Variants in NEU3 observed in about 807,000 individuals in gnomAD.
NEU3 encodes the protein sialidase-3.
Under a neutral mutation model 11.4 loss-of-function variants are expected in NEU3, and 10 were observed. The ratio of observed to expected loss-of-function variants is 0.88; its 90% confidence interval spans 0.54 to 1.49. NEU3 has a LOEUF of 1.49. Ranked by LOEUF, NEU3 falls within the 40% of genes most tolerant of loss-of-function variation. The pLI is 0.00. For missense variants in NEU3, 529 were observed against 581.8 expected (o/e 0.91, Z 0.93); for synonymous variants, 212 against 228.2 (o/e 0.93, Z 0.64).
chr11:75,016,375 A>G (rs144189667), intron 3 of NEU3, among the ~76,000 whole-genome samples: 11 of 152,274 alleles, frequency 7.2e-5, no homozygotes, highest in Non-Finnish European at 1.6e-4. Context: ...GGGTCAAGGC[A>G]TTGGAAAATT....
chr11:74,997,001 G>C (rs1948795817), intron 2 of NEU3, among the ~76,000 whole-genome samples: 1 of 152,226 alleles, frequency 6.6e-6, no homozygotes, highest in African/African-American at 2.4e-5. Context: ...TGGCAGAGTA[G>C]ATTTAGGATA....
chr11:74,980,689 A>G, the NEU3 span, among the ~76,000 whole-genome samples: 1 of 152,374 alleles, frequency 6.6e-6, no homozygotes, highest in Non-Finnish European at 1.5e-5. Context: ...TTAAATACAT[A>G]CACATATCAT....
At chr11:75,005,321 T>C in intron 2 of NEU3, 92 bp from the exon 3 acceptor site, 4 of 1,296,994 alleles carry the variant, frequency 3.1e-6, no homozygotes, top group African/African-American at 1.5e-5. Flanking sequence ...ATATCATTTA[T>C]TTCTTATTTA....
At chr11:75,015,347 T>A (rs952258654), downstream of NEU3, among the ~76,000 whole-genome samples, 1 of 152,342 alleles carries the variant, frequency 6.6e-6, no homozygotes, top group Middle Eastern at 3.4e-3. Flanking sequence ...TCCAGAACAC[T>A]GAGCAATAAG....
chr11:74,985,194 C>G (rs1948658207), upstream of NEU3, among the ~76,000 whole-genome samples: 1 of 152,006 alleles, frequency 6.6e-6, no homozygotes, highest in Admixed American at 6.5e-5. Flanking sequence ...CAGGACATGA[C>G]CCGGTTTTTA....
chr11:75,005,370 C>G, intron 2 of NEU3, 43 bp from the exon 3 acceptor site: 1 of 1,488,512 alleles, frequency 6.7e-7, no homozygotes, highest in Non-Finnish European at 8.9e-7. Context: ...TCATGTTTTC[C>G]TATTAGTATC....
At chr11:74,994,057 C>T (rs897306011) in intron 1 of NEU3, among the ~76,000 whole-genome samples, 3 of 152,030 alleles carry the variant, frequency 2.0e-5, no homozygotes, top group Admixed American at 6.6e-5. Context: ...AGATAGAAGA[C>T]AAAGAGATTG....
chr11:74,987,439 T>G (rs1417999803), upstream of NEU3, among the ~76,000 whole-genome samples: 2 of 152,218 alleles, frequency 1.3e-5, no homozygotes, highest in African/African-American at 2.4e-5. Flanking sequence ...TAGGCTAATC[T>G]TATAAATTTT....
chr11:75,012,834 G>C (rs1187831995), downstream of NEU3, among the ~76,000 whole-genome samples: 2 of 152,198 alleles, frequency 1.3e-5, no homozygotes, highest in Non-Finnish European at 2.9e-5. Context: ...CAAAGTGAGA[G>C]AGTTTGCTTT....
At chr11:75,000,626 T>A (rs1176422016) in intron 2 of NEU3, among the ~76,000 whole-genome samples, 1 of 150,734 alleles carries the variant, frequency 6.6e-6, no homozygotes. Context: ...TTTATACATT[T>A]TTTTTTTTTT....
chr11:74,993,364 C>T (rs1044397474), intron 1 of NEU3, among the ~76,000 whole-genome samples: 9 of 152,084 alleles, frequency 5.9e-5, no homozygotes, highest in African/African-American at 1.7e-4. Context: ...CCAGCACACC[C>T]GGCTAATTTT....
At chr11:75,004,519 A>AT (rs1948878914) in intron 2 of NEU3, 1 of 449,060 alleles carries the variant, frequency 2.2e-6, no homozygotes, top group African/African-American at 2.0e-5. Context: ...ATTCCTGGAA[A>AT]TTTTCTTACC....
At chr11:75,019,742 G>A (rs956911852), downstream of NEU3, among the ~76,000 whole-genome samples, 2 of 152,196 alleles carry the variant, frequency 1.3e-5, no homozygotes, top group African/African-American at 4.8e-5. Context: ...TGCTGCAGGG[G>A]CAGGGCTGTC....
chr11:75,000,112 C>A (rs1948827772), intron 2 of NEU3, among the ~76,000 whole-genome samples: 1 of 152,076 alleles, frequency 6.6e-6, no homozygotes, highest in South Asian at 2.1e-4. Flanking sequence ...CCCTTTAATG[C>A]AATTGAAAGT....
Position 75,006,356 on chromosome 11 carries a change from G to A in NEU3, c.1250G>A (p.Cys417Tyr). 3 of 1,614,004 alleles carry A rather than the reference G, an allele frequency of 1.9e-6. No individual in the cohort carries two copies. The highest frequency in any genetic ancestry group is 1.7e-6 in the Non-Finnish European group (2 of 1,179,900). Residue 417 changes from cysteine to tyrosine, a missense_variant, in exon 3 of 3, where the codon TGT becomes TAT. Coordinates refer to ENST00000294064, the MANE Select transcript of NEU3 (RefSeq NM_006656.6). ...AALEEEGLFG[C>Y]LFECGTKQEC... is the part of the protein sequence containing the mutation. Reference sequence around the variant, plus strand: ...CTGGAGGAGGAGGGCTTGTTTGGGTGTTTGTTTGAATGTGGGACCAAGCAA... The same window carrying A: ...CTGGAGGAGGAGGGCTTGTTTGGGTATTTGTTTGAATGTGGGACCAAGCAA...
intron 1 of NEU3, chr11:74,990,158 A>G (rs1948714615): frequency 3.2e-6 from 2 of 628,926 alleles, no homozygotes; most frequent in South Asian, 3.7e-5. Context: ...TTTAAAATTT[A>G]TAAAACACTT....
chr11:75,014,162 T>C (rs926220086), downstream of NEU3, among the ~76,000 whole-genome samples: 2 of 152,226 alleles, frequency 1.3e-5, no homozygotes, highest in South Asian at 4.1e-4. Flanking sequence ...TCAGATCAGA[T>C]GGCTTCCAAG....
chr11:75,006,384 G>A lies in NEU3; in HGVS notation c.1278G>A (p.Glu426=). Residue 426 remains glutamate (E), a synonymous_variant, in exon 3 of 3, where the codon GAG becomes GAA. Transcript: ENST00000294064. ...TGTTTGAATGTGGGACCAAGCAAGAGTGTGAGCAGATTGCCTTCCGCCTGT... is the reference window on the plus strand; with the variant it reads ...TGTTTGAATGTGGGACCAAGCAAGAATGTGAGCAGATTGCCTTCCGCCTGT... ...GCLFECGTKQ[E]CEQIAFRLFT... 6.2e-7 allele frequency: 1 copy of A among 1,614,028 alleles called. No homozygotes were observed. The highest frequency in any genetic ancestry group is 8.5e-7 in the Non-Finnish European group (1 of 1,179,898).
At chr11:75,000,703 G>A (rs548805555) in intron 2 of NEU3, among the ~76,000 whole-genome samples, 57 of 150,788 alleles carry the variant, frequency 3.8e-4, no homozygotes, top group Non-Finnish European at 7.4e-4. Context: ...CTGCAACCTC[G>A]AACTCCTGGG....
Sources: gnomAD v4.1 joint callset for allele counts (sites outside exome capture counted in the v4.1 genomes callset) on GRCh38, gnomAD v4.1.1 for gene constraint, MANE v1.5 for transcripts, NCBI Gene and HGNC (gene_info 2026-07-23, HGNC 2026-07-21) for gene names.